The following DRD2 variants were observed in gnomAD, a reference collection of about 807,000 sequenced individuals.
DRD2 encodes the protein D(2) dopamine receptor.
Under a neutral mutation model 38.0 loss-of-function variants are expected in DRD2, and 8 were observed. The observed-to-expected ratio is 0.21, with a 90% CI of 0.12 to 0.38. DRD2 has a LOEUF of 0.38. DRD2 is among the 10% of genes least tolerant of loss of function. The pLI is 1.00. For missense variants in DRD2, 403 were observed against 607.7 expected, an observed-to-expected ratio of 0.66 and a Z score of 3.54; for synonymous variants, 230 against 238.6, an observed-to-expected ratio of 0.96 and a Z score of 0.33.
intron 4 of DRD2, among the ~76,000 whole-genome samples, chr11:113,415,927 CAGAA>C (rs1219366835): frequency 1.3e-5 from 2 of 152,186 alleles, no homozygotes; most frequent in East Asian, 3.8e-4. Flanking sequence ...CCGATGTATC[CAGAA>C]AGAATGACAC....
chr11:113,412,957 C>T, intron 6 of DRD2, 74 bp from the exon 7 acceptor site: 1 of 1,487,786 alleles, frequency 6.7e-7, no homozygotes, highest in Non-Finnish European at 9.1e-7. Context: ...TCACTGGCCC[C>T]TCCCTTTCCC....
At chr11:113,411,876 T>C (rs1229232228) in intron 7 of DRD2, 1 of 152,636 alleles carries the variant, frequency 6.6e-6, no homozygotes, top group African/African-American at 2.4e-5. Context: ...ACCCTCCTTT[T>C]CCCAGCCACC....
In DRD2 at chr11:113,415,779, A is replaced by G. The variant is rs2734838; in HGVS notation, c.533-168T>C. The stretch of plus-strand genomic sequence containing the variant: ...TCATCTTAGATATACACAAACGCAC[A>G]GCAGATACCAGAGTATTAAAAACAC... On this transcript the variant is annotated intron_variant, in intron 4 of 7. Coordinates refer to ENST00000362072, the MANE Select transcript of DRD2 (RefSeq NM_000795.4). 0.44 allele frequency among the ~76,000 whole-genome samples: 66,787 copies of G among 152,084 alleles called. 17,348 individuals are homozygous for G. The highest frequency in any genetic ancestry group is 0.6 in the Non-Finnish European group (40,866 of 67,952).
rs1555168769 is a variant in DRD2, at chr11:113,465,411, G to GT, written c.-32+9664dup. 1.1e-3 allele frequency among the ~76,000 whole-genome samples: 163 copies of GT among 150,622 alleles called. 1 individual carries two copies. Among genetic ancestry groups the GT allele is most frequent in the Admixed American group, 1.6e-3 (24 of 15,086 alleles). ...TGCCTGGCCAGTTTTTGTTGTTGTT[G>GT]TTGTTTGTTTGTTTGTTTGTTTGTT... is the stretch of plus-strand genomic sequence containing the variant. On this transcript the variant is annotated intron_variant, in intron 1 of 7. Coordinates refer to ENST00000362072, the MANE Select transcript of DRD2 (RefSeq NM_000795.4).
chr11:113,424,502 G>A lies in DRD2; in HGVS notation c.150C>T (p.Phe50=), dbSNP rs767660986. 1.5e-5 allele frequency: 24 copies of A among 1,614,130 alleles called. No homozygotes were observed. Among genetic ancestry groups the A allele is most frequent in the Admixed American group, 3.3e-5 (2 of 60,010 alleles). The part of the protein sequence containing the change: ...LLTLLIAVIV[F]GNVLVCMAVS... The stretch of plus-strand genomic sequence containing the variant: ...CAGCCATGCACACCAGCACGTTGCC[G>A]AAGACGATGACAGCGATGAGCAGGG... Residue 50 remains phenylalanine, a synonymous_variant, in exon 2 of 8, where the codon TTC becomes TTT. Coordinates refer to ENST00000362072, the MANE Select transcript of DRD2 (RefSeq NM_000795.4).
At position 113,460,786 on chromosome 11, in the gene DRD2, C is replaced by T. The variant is rs372674281; in HGVS notation, c.-32+14290G>A. Among the ~76,000 whole-genome samples the T allele has an allele frequency of 3.9e-4, 60 of 152,264 alleles. No individual in the cohort carries two copies. In the South Asian group the frequency reaches 5.8e-3, roughly 15 times the overall value. ...GCAGGGAGCTGCCCAGGGATGAAGACGAGATGAAAGCCAGAGAAACTGGGA... is the reference window on the plus strand; with the variant it reads ...GCAGGGAGCTGCCCAGGGATGAAGATGAGATGAAAGCCAGAGAAACTGGGA... On this transcript the variant is annotated intron_variant, in intron 1 of 7. Coordinates refer to ENST00000362072, the MANE Select transcript of DRD2 (RefSeq NM_000795.4).
chr11:113,445,140 C>T (rs191755723), intron 1 of DRD2, among the ~76,000 whole-genome samples: 12 of 152,292 alleles, frequency 7.9e-5, no homozygotes, highest in African/African-American at 2.6e-4. Flanking sequence ...TCATGAAAGA[C>T]AAGGAAAGAC....
chr11:113,413,451 G>A (rs1950790047), intron 6 of DRD2: 1 of 471,574 alleles, frequency 2.1e-6, no homozygotes, highest in African/African-American at 2.0e-5. Context: ...GAGAGCCCTG[G>A]CATGGATCCA....
At chr11:113,422,351 C>T (rs375869154) in intron 2 of DRD2, among the ~76,000 whole-genome samples, 6 of 152,284 alleles carry the variant, frequency 3.9e-5, no homozygotes, top group Admixed American at 2.6e-4. Flanking sequence ...TCAACTAATT[C>T]GATCCTCAAC....
Position 113,439,763 on chromosome 11 carries a change from C to T in DRD2, c.-31-15081G>A, listed in dbSNP as rs186937255. Among the ~76,000 whole-genome samples the T allele has an allele frequency of 9.1e-4, 119 of 130,374 alleles. 1 individual carries two copies. The highest frequency in any genetic ancestry group is 3.1e-3 in the African/African-American group (108 of 34,800). The allele number at this position is 130,374 out of a possible 152,430, so 85.5% of individuals were successfully genotyped here. A position where few individuals can be genotyped will look rare whatever the true frequency, so the allele number is the denominator to read the frequency against. ...CTGAGGTAGGAGAATCGCCTGAACC[C>T]GGAAGGTAGAGGTTGCAGTGAGCCC... On this transcript the variant is annotated intron_variant, in intron 1 of 7. Coordinates refer to ENST00000362072, the MANE Select transcript of DRD2 (RefSeq NM_000795.4).
At chr11:113,473,306 AC>A (rs1413973670) in intron 1 of DRD2, among the ~76,000 whole-genome samples, 1 of 152,234 alleles carries the variant, frequency 6.6e-6, no homozygotes, top group African/African-American at 2.4e-5. Flanking sequence ...TTCAGTGTAC[AC>A]ATGAATCACT....
chr11:113,469,890 TA>T (rs1196451234), intron 1 of DRD2, among the ~76,000 whole-genome samples: 1 of 151,992 alleles, frequency 6.6e-6, no homozygotes, highest in African/African-American at 2.4e-5. Context: ...ACAAAAAATG[TA>T]AAAACAAGGG....
chr11:113,464,008 A>C (rs547258444), intron 1 of DRD2, among the ~76,000 whole-genome samples: 1 of 152,320 alleles, frequency 6.6e-6, no homozygotes, highest in East Asian at 1.9e-4. Flanking sequence ...CAGGTGGCAC[A>C]CTGGGTGCAG....
intron 2 of DRD2, among the ~76,000 whole-genome samples, chr11:113,419,576 G>T (rs142816931): frequency 6.7e-6 from 1 of 148,296 alleles, no homozygotes. Context: ...TGTCCCTAGC[G>T]CTCTGGAAGC....
At chr11:113,436,230 T>A (rs1951034865) in intron 1 of DRD2, among the ~76,000 whole-genome samples, 1 of 151,918 alleles carries the variant, frequency 6.6e-6, no homozygotes, top group Non-Finnish European at 1.5e-5. Flanking sequence ...GAAGGTAAAA[T>A]TTCACCACAG....
At chr11:113,468,813 G>A (rs1951394538) in intron 1 of DRD2, among the ~76,000 whole-genome samples, 1 of 152,158 alleles carries the variant, frequency 6.6e-6, no homozygotes, top group South Asian at 2.1e-4. Flanking sequence ...CTCCCAAAGG[G>A]ATGGGATTAC....
At chr11:113,422,980 G>A (rs1015249144) in intron 2 of DRD2, among the ~76,000 whole-genome samples, 1 of 152,176 alleles carries the variant, frequency 6.6e-6, no homozygotes, top group African/African-American at 2.4e-5. Context: ...AGTGGGCAGA[G>A]CACCGGCACT....
intron 1 of DRD2, chr11:113,450,047 C>T (rs1205454461): frequency 1.3e-5 from 2 of 154,540 alleles, no homozygotes; most frequent in Non-Finnish European, 2.9e-5. Flanking sequence ...CCACCCTCCA[C>T]GAATGCAATG....
intron 1 of DRD2, among the ~76,000 whole-genome samples, chr11:113,474,845 G>C (rs930206283): frequency 6.6e-6 from 1 of 152,058 alleles, no homozygotes; most frequent in Admixed American, 6.5e-5. Flanking sequence ...TCTAAGTGGC[G>C]AGGAGGCTAC....
Sources: allele counts gnomAD v4.1 joint callset (sites outside exome capture counted in the v4.1 genomes callset), GRCh38; gene constraint gnomAD v4.1.1; transcripts MANE v1.5; gene names NCBI Gene and HGNC (gene_info 2026-07-23, HGNC 2026-07-21).